Variants in NDST3 observed in about 807,000 individuals in gnomAD.
NDST3 encodes N-deacetylase and N-sulfotransferase 3.
Under a neutral mutation model 96.1 loss-of-function variants are expected in NDST3, and 58 were observed. The observed-to-expected ratio is 0.60, with a 90% CI of 0.49 to 0.75. The LOEUF (loss-of-function observed/expected upper bound fraction) is 0.75, where lower values mean the gene tolerates loss of function less well. Ranked by LOEUF, NDST3 falls within the 30% of genes least tolerant of loss-of-function variation. The probability of loss-of-function intolerance (pLI) is 0.00; values close to 1 mark genes in which losing one functional copy is unlikely to be tolerated. For missense variants in NDST3, 788 were observed against 1,034.2 expected, an observed-to-expected ratio of 0.76 and a Z score of 3.27; for synonymous variants, 333 against 359.7, an observed-to-expected ratio of 0.93 and a Z score of 0.84.
At chr4:118,240,409 C>T in intron 10 of NDST3, 115 bp from the exon 11 acceptor site, 1 of 779,780 alleles carries the variant, frequency 1.3e-6, no homozygotes, top group Non-Finnish European at 1.8e-6. Flanking sequence ...AAATAGATAA[C>T]TCTCCAGCAG....
chr4:118,257,662 TAC>T lies in NDST3; in HGVS notation c.*1952_*1953del. 3 of 152,328 alleles carry T rather than the reference TAC, an allele frequency of 2.0e-5. No homozygotes were observed. The South Asian group carries it at 6.2e-4, about 32-fold the overall frequency. 9.4% of individuals were successfully genotyped at this position (152,328 alleles called of 1,614,324 possible). A position where few individuals can be genotyped will look rare whatever the true frequency, so the allele number is the denominator to read the frequency against. On this transcript the variant is annotated 3_prime_UTR_variant, in exon 14 of 14. Coordinates refer to ENST00000296499, the MANE Select transcript of NDST3 (RefSeq NM_004784.3). ...TCCACTTACTATAAATTTTTAACTG[TAC>T]ATTATAATTACTTTTTTAAAGTTTC...
chr4:118,039,792 T>G (rs1004269764), intron 1 of NDST3, among the ~76,000 whole-genome samples: 10 of 152,122 alleles, frequency 6.6e-5, no homozygotes, highest in Admixed American at 2.0e-4. Context: ...GAAAAGAGAT[T>G]ATCTCTTTTG....
At chr4:118,077,070 A>C (rs4437319) in intron 2 of NDST3, among the ~76,000 whole-genome samples, 129,900 of 152,230 alleles carry the variant, frequency 0.85, 56,987 homozygotes, top group South Asian at 0.96. Context: ...CAGTTCAGCA[A>C]TCTTGGGCTA....
intron 10 of NDST3, among the ~76,000 whole-genome samples, chr4:118,238,222 A>G (rs1359301175): frequency 7.1e-6 from 1 of 140,200 alleles, no homozygotes; most frequent in Admixed American, 6.9e-5. Flanking sequence ...AAAGAAAGAA[A>G]GAAAAAGAAA....
At chr4:118,191,396 A>G (rs1737293110) in intron 6 of NDST3, among the ~76,000 whole-genome samples, 1 of 152,250 alleles carries the variant, frequency 6.6e-6, no homozygotes, top group Non-Finnish European at 1.5e-5. Context: ...AAAGCCAGTT[A>G]AATTCCAGAA....
At chr4:118,169,578 G>A (rs1187802753) in intron 6 of NDST3, among the ~76,000 whole-genome samples, 2 of 152,098 alleles carry the variant, frequency 1.3e-5, no homozygotes, top group Non-Finnish European at 2.9e-5. Context: ...CGGATCACCT[G>A]AGGTCAGGAG....
intron 2 of NDST3, among the ~76,000 whole-genome samples, chr4:118,092,663 C>T (rs1181186019): frequency 2.6e-5 from 4 of 151,704 alleles, no homozygotes; most frequent in African/African-American, 7.3e-5. Context: ...AGGTCAGAAG[C>T]ATTAATTAAT....
chr4:118,100,806 T>C (rs1729701089), intron 2 of NDST3, among the ~76,000 whole-genome samples: 1 of 152,186 alleles, frequency 6.6e-6, no homozygotes, highest in Admixed American at 6.5e-5. Context: ...AAATCATGTC[T>C]ACCACTTCTG....
chr4:118,116,439 T>C (rs1731118509), intron 4 of NDST3, among the ~76,000 whole-genome samples: 1 of 152,084 alleles, frequency 6.6e-6, no homozygotes. Flanking sequence ...ATAAAAGACA[T>C]GTCATTCACT....
At chr4:118,203,367 G>T (rs1478684789) in intron 6 of NDST3, among the ~76,000 whole-genome samples, 5 of 152,004 alleles carry the variant, frequency 3.3e-5, no homozygotes, top group African/African-American at 4.8e-5. Context: ...TTGATTTTTT[G>T]AATAATTTCA....
intron 1 of NDST3, among the ~76,000 whole-genome samples, chr4:118,035,586 T>C (rs1261903100): frequency 6.6e-6 from 1 of 151,980 alleles, no homozygotes; most frequent in African/African-American, 2.4e-5. Context: ...TCTTCATCCA[T>C]ACCTTCCTAT....
chr4:118,230,788 A>G (rs1301741722), intron 8 of NDST3, among the ~76,000 whole-genome samples: 2 of 152,158 alleles, frequency 1.3e-5, no homozygotes, highest in Admixed American at 6.5e-5. Context: ...ATCTATGATT[A>G]CAGACAAACT....
intron 2 of NDST3, among the ~76,000 whole-genome samples, chr4:118,090,805 T>A (rs1361818352): frequency 1.3e-5 from 2 of 151,884 alleles, no homozygotes; most frequent in Admixed American, 1.3e-4. Context: ...GCTTCTTTAG[T>A]CTAGCAGAAT....
intron 6 of NDST3, among the ~76,000 whole-genome samples, chr4:118,187,632 AC>A (rs1020513613): frequency 1.4e-4 from 21 of 152,076 alleles, no homozygotes; most frequent in African/African-American, 5.1e-4. Flanking sequence ...CACATAAGAG[AC>A]CCCCTTTTTA....
intron 13 of NDST3, 64 bp from the exon 14 acceptor site, chr4:118,255,529 G>C (rs1742063539): frequency 6.8e-7 from 1 of 1,481,040 alleles, no homozygotes; most frequent in Middle Eastern, 1.8e-4. Context: ...TTTCAACGTA[G>C]TCAAAGTGTA....
chr4:118,187,377 A>C (rs560465413), intron 6 of NDST3, among the ~76,000 whole-genome samples: 11 of 152,208 alleles, frequency 7.2e-5, no homozygotes, highest in South Asian at 2.1e-4. Context: ...CCAACCACAG[A>C]AAGAGCGATC....
intron 1 of NDST3, among the ~76,000 whole-genome samples, chr4:118,041,460 T>C (rs1000770297): frequency 6.6e-6 from 1 of 152,234 alleles, no homozygotes; most frequent in African/African-American, 2.4e-5. Flanking sequence ...TTTGTAACTT[T>C]CTCGAACCTA....
chr4:118,136,176 A>T (rs1408227711), intron 4 of NDST3, among the ~76,000 whole-genome samples: 1 of 152,164 alleles, frequency 6.6e-6, no homozygotes, highest in Non-Finnish European at 1.5e-5. Context: ...ACTCTTCAAA[A>T]AGTTGTTAAC....
intron 6 of NDST3, among the ~76,000 whole-genome samples, chr4:118,167,544 G>C (rs191396678): frequency 6.6e-6 from 1 of 151,886 alleles, no homozygotes; most frequent in African/African-American, 2.4e-5. Context: ...ATTTTTTACC[G>C]AAATAGAAAA....
Sources: allele counts gnomAD v4.1 joint callset (sites outside exome capture counted in the v4.1 genomes callset), GRCh38; gene constraint gnomAD v4.1.1; transcripts MANE v1.5; gene names NCBI Gene and HGNC (gene_info 2026-07-23, HGNC 2026-07-21).